Variants in DISC1 observed in about 807,000 individuals in gnomAD.
DISC1 encodes the protein DISC1 scaffold protein, also known as disrupted in schizophrenia 1 protein.
A neutral mutation model predicts 84.5 loss-of-function variants in DISC1; 57 were observed. That is an observed-to-expected ratio of 0.67 (90% CI 0.55 to 0.84). The LOEUF (loss-of-function observed/expected upper bound fraction) is 0.84, where lower values mean the gene tolerates loss of function less well. Among genes scored for constraint, DISC1 ranks in the 40% least tolerant of loss-of-function variants. DISC1 has a pLI of 0.00. For missense variants in DISC1, 1,000 were observed against 1,057.8 expected (o/e 0.95, Z 0.76); for synonymous variants, 411 against 415.2 (o/e 0.99, Z 0.12).
At chr1:231,664,042 C>CCATT (rs1341139388) in intron 1 of DISC1, among the ~76,000 whole-genome samples, 2 of 150,722 alleles carry the variant, frequency 1.3e-5, no homozygotes, top group East Asian at 4.0e-4. Flanking sequence ...ATCTATCTAT[C>CCATT]CATCCATCCA....
intron 9 of DISC1, among the ~76,000 whole-genome samples, chr1:231,930,043 C>G (rs760491062): frequency 6.6e-6 from 1 of 152,066 alleles, no homozygotes; most frequent in Non-Finnish European, 1.5e-5. Context: ...AGAGATGGCC[C>G]GAAAACCCCT....
chr1:231,636,966 C>G (rs1197137324), intron 1 of DISC1, among the ~76,000 whole-genome samples: 1 of 152,084 alleles, frequency 6.6e-6, no homozygotes, highest in Non-Finnish European at 1.5e-5. Context: ...ACCCCTACCC[C>G]CCAGCAGGCC....
chr1:232,004,945 T>TTTCCTTCC (rs148052574), intron 10 of DISC1, among the ~76,000 whole-genome samples: 3 of 68,954 alleles, frequency 4.4e-5, no homozygotes, highest in East Asian at 3.3e-4. Flanking sequence ...TCCTTCTTCC[T>TTTCCTTCC]TTCCTTCCTT....
At chr1:231,971,731 T>C (rs1661987798) in intron 10 of DISC1, among the ~76,000 whole-genome samples, 1 of 152,212 alleles carries the variant, frequency 6.6e-6, no homozygotes, top group Non-Finnish European at 1.5e-5. Flanking sequence ...TTTTTCCTTC[T>C]GTTGCTGCTG....
Position 232,040,531 on chromosome 1 carries a change from C to G in DISC1, c.*3700C>G, listed in dbSNP as rs930018138. 2.6e-5 allele frequency: 4 copies of G among 152,110 alleles called. No homozygotes were observed. The highest frequency in any genetic ancestry group is 9.7e-5 in the African/African-American group (4 of 41,420). 9.4% of individuals were successfully genotyped at this position (152,110 alleles called of 1,614,324 possible). ...ACTGAGCCTTAAGAGGACTAATTCC[C>G]TTTTTCTAAGGCACAGAGCTGGTAA... On this transcript the variant is annotated 3_prime_UTR_variant, in exon 13 of 13. Coordinates refer to ENST00000439617, the MANE Select transcript of DISC1 (RefSeq NM_018662.3).
At position 231,880,615 on chromosome 1, in the gene DISC1, A is replaced by T. The variant is rs1403912477; in HGVS notation, c.1981+62098A>T. 2.0e-5 allele frequency among the ~76,000 whole-genome samples: 3 copies of T among 152,200 alleles called. No individual in the cohort carries two copies. In the East Asian group the frequency reaches 5.8e-4, roughly 29 times the overall value. On this transcript the variant is annotated intron_variant, in intron 9 of 12. Coordinates refer to ENST00000439617, the MANE Select transcript of DISC1 (RefSeq NM_018662.3). ...CACTGCACAGTAATAGACCCATTAC[A>T]TGGAGACAGCAGGATTTGCAGCAGA...
intron 3 of DISC1, chr1:231,723,074 G>A: frequency 9.9e-7 from 1 of 1,010,664 alleles, no homozygotes. Flanking sequence ...ATCCATGGGG[G>A]ATTAATTCCA....
chr1:231,962,542 C>A (rs546850823), intron 10 of DISC1, among the ~76,000 whole-genome samples: 1 of 152,088 alleles, frequency 6.6e-6, no homozygotes, highest in Non-Finnish European at 1.5e-5. Flanking sequence ...TACCCAACTT[C>A]GGGCTAAACT....
rs537743126 is a variant in DISC1, at chr1:231,767,631, C to T, written c.1398+362C>T. On this transcript the variant is annotated intron_variant, in intron 5 of 12. Coordinates refer to ENST00000439617, the MANE Select transcript of DISC1 (RefSeq NM_018662.3). ...CTTATCCATTTAAGCCAAATGCAGC[C>T]AAGTGGGTCTTTGCTTTCCTTGAGT... Among the ~76,000 whole-genome samples the T allele has an allele frequency of 9.8e-5, 15 of 152,294 alleles. No individual in the cohort carries two copies. In the East Asian group the frequency reaches 2.9e-3, roughly 30 times the overall value.
rs1399795627 is a variant in DISC1, at chr1:231,947,861, T to G, written c.1982-10967T>G. Among the ~76,000 whole-genome samples the G allele has an allele frequency of 2.6e-5, 4 of 152,212 alleles. No individual in the cohort carries two copies. In the East Asian group the frequency reaches 7.7e-4, roughly 29 times the overall value. The stretch of plus-strand genomic sequence containing the variant: ...AACAAACAGACGTATAAAAAAATGC[T>G]CATCATCACTGGTCACTAGAAAAAT... On this transcript the variant is annotated intron_variant, in intron 9 of 12. Coordinates refer to ENST00000439617, the MANE Select transcript of DISC1 (RefSeq NM_018662.3).
chr1:231,838,030 A>G (rs181311165), intron 9 of DISC1, among the ~76,000 whole-genome samples: 7 of 152,292 alleles, frequency 4.6e-5, no homozygotes, highest in African/African-American at 1.4e-4. Flanking sequence ...ACATTTATCA[A>G]TAGATAAGAA....
At chr1:231,663,832 A>T (rs1400586819) in intron 1 of DISC1, among the ~76,000 whole-genome samples, 1 of 152,160 alleles carries the variant, frequency 6.6e-6, no homozygotes, top group Non-Finnish European at 1.5e-5. Flanking sequence ...TCTGGCAATG[A>T]TTACTGTTAT....
chr1:231,875,392 G>A (rs1459558420), intron 9 of DISC1, among the ~76,000 whole-genome samples: 1 of 152,130 alleles, frequency 6.6e-6, no homozygotes, highest in Non-Finnish European at 1.5e-5. Context: ...AGACAGCCAG[G>A]GGCTCCTCAT....
At chr1:231,948,428 G>T (rs944862775) in intron 9 of DISC1, among the ~76,000 whole-genome samples, 2 of 152,096 alleles carry the variant, frequency 1.3e-5, no homozygotes, top group Admixed American at 1.3e-4. Flanking sequence ...ACATAGGGAG[G>T]GGAACATCAC....
intron 1 of DISC1, among the ~76,000 whole-genome samples, chr1:231,647,074 C>T (rs1186664885): frequency 6.6e-6 from 1 of 152,130 alleles, no homozygotes; most frequent in East Asian, 1.9e-4. Flanking sequence ...TTAATTAGAT[C>T]CCATTTGTCT....
chr1:231,722,920 G>A lies in DISC1; in HGVS notation c.1117+20896G>A, dbSNP rs545817140. On this transcript the variant is annotated intron_variant, in intron 3 of 12. Coordinates refer to ENST00000439617, the MANE Select transcript of DISC1 (RefSeq NM_018662.3). ...TGTTGGGACAATTAGATTTTTGTAG[G>A]GGGGAGAAACCACCCAAAAGCAAAT... is the stretch of plus-strand genomic sequence containing the variant. The A allele has an allele frequency of 3.0e-5, 38 of 1,278,460 alleles. No homozygotes were observed. In the South Asian group the frequency reaches 4.5e-4, roughly 15 times the overall value. The allele number at this position is 1,278,460 out of a possible 1,614,324, so 79.2% of individuals were successfully genotyped here. A position where few individuals can be genotyped will look rare whatever the true frequency, so the allele number is the denominator to read the frequency against.
At chr1:231,893,115 T>C (rs1211655904) in intron 9 of DISC1, among the ~76,000 whole-genome samples, 2 of 152,124 alleles carry the variant, frequency 1.3e-5, no homozygotes, top group Non-Finnish European at 2.9e-5. Context: ...GTTAGCTGTG[T>C]TCATGTCACT....
At chr1:231,942,841 A>G (rs1014485081) in intron 9 of DISC1, among the ~76,000 whole-genome samples, 2 of 152,126 alleles carry the variant, frequency 1.3e-5, no homozygotes, top group African/African-American at 2.4e-5. Flanking sequence ...TCCTGCTTCT[A>G]CCAGGAAAAT....
chr1:231,950,360 A>G (rs1395525365), intron 9 of DISC1, among the ~76,000 whole-genome samples: 1 of 152,122 alleles, frequency 6.6e-6, no homozygotes, highest in Non-Finnish European at 1.5e-5. Context: ...GCAATTTAAA[A>G]AATACTGTAA....
Sources: gnomAD v4.1 joint callset for allele counts (sites outside exome capture counted in the v4.1 genomes callset) on GRCh38, gnomAD v4.1.1 for gene constraint, MANE v1.5 for transcripts, NCBI Gene and HGNC (gene_info 2026-07-23, HGNC 2026-07-21) for gene names.